Variants in DPP10 observed in about 807,000 individuals in gnomAD.
DPP10 encodes dipeptidyl peptidase like 10.
In DPP10, 33 loss-of-function variants were observed where a neutral mutation model predicts 120.9. The observed-to-expected ratio is 0.27, with a 90% CI of 0.21 to 0.37. The LOEUF (loss-of-function observed/expected upper bound fraction) is 0.37. DPP10 is among the 10% of genes least tolerant of loss of function. The pLI is 1.00. For missense variants in DPP10, 816 were observed against 942.8 expected, an observed-to-expected ratio of 0.87 and a Z score of 1.76; for synonymous variants, 337 against 326.1, an observed-to-expected ratio of 1.03 and a Z score of -0.36.
Position 115,535,111 on chromosome 2 carries a change from C to G in DPP10, c.441+9139C>G, listed in dbSNP as rs371739231. Among the ~76,000 whole-genome samples, 1,422 of 151,750 alleles carry G rather than the reference C, an allele frequency of 9.4e-3. 8 individuals carry two copies. Among genetic ancestry groups the G allele is most frequent in the Non-Finnish European group, 0.013 (904 of 67,860 alleles). ...TCTTTTGCTGTGCAGAAGCTCTTTA[C>G]TTTAATTAGATCCCATTTGTCAATT... On this transcript the variant is annotated intron_variant, in intron 5 of 25. Coordinates refer to ENST00000410059, the MANE Select transcript of DPP10 (RefSeq NM_020868.6).
intron 1 of DPP10, among the ~76,000 whole-genome samples, chr2:115,169,180 C>G (rs537837883): frequency 1.3e-5 from 2 of 152,232 alleles, no homozygotes; most frequent in African/African-American, 4.8e-5. Context: ...AATTTATAAT[C>G]CCACTAAAAT....
At chr2:115,094,477 A>G (rs1709550966) in intron 1 of DPP10, among the ~76,000 whole-genome samples, 1 of 152,178 alleles carries the variant, frequency 6.6e-6, no homozygotes, top group Non-Finnish European at 1.5e-5. Flanking sequence ...CTTACATCAC[A>G]TGGTAAACTA....
intron 1 of DPP10, among the ~76,000 whole-genome samples, chr2:114,485,469 T>TC (rs369345410): frequency 1.6e-3 from 239 of 151,954 alleles, no homozygotes; most frequent in African/African-American, 5.3e-3. Context: ...ACTGTTTTTT[T>TC]TTTTTTTGCG....
chr2:114,852,942 T>A (rs569638642), intron 1 of DPP10, among the ~76,000 whole-genome samples: 1 of 152,338 alleles, frequency 6.6e-6, no homozygotes, highest in South Asian at 2.1e-4. Flanking sequence ...AGAAAGTTAA[T>A]ATTTTGTGAT....
intron 1 of DPP10, among the ~76,000 whole-genome samples, chr2:115,092,661 T>C (rs1709365529): frequency 6.6e-6 from 1 of 152,186 alleles, no homozygotes; most frequent in African/African-American, 2.4e-5. Context: ...AGTCAAATTC[T>C]AGGATTTACT....
intron 1 of DPP10, among the ~76,000 whole-genome samples, chr2:114,469,228 T>C (rs1176230925): frequency 6.6e-6 from 1 of 152,218 alleles, no homozygotes; most frequent in African/African-American, 2.4e-5. Context: ...TCATACTTCA[T>C]GGCAAATGTA....
intron 1 of DPP10, among the ~76,000 whole-genome samples, chr2:115,039,481 A>T (rs956554459): frequency 6.6e-6 from 1 of 152,116 alleles, no homozygotes; most frequent in Non-Finnish European, 1.5e-5. Context: ...AGGCATTCTG[A>T]CCCCAAGGAA....
chr2:115,291,854 C>A (rs1450396559), intron 1 of DPP10, among the ~76,000 whole-genome samples: 1 of 152,092 alleles, frequency 6.6e-6, no homozygotes, highest in Non-Finnish European at 1.5e-5. Context: ...AGCACTGTGC[C>A]ACCACGTGCT....
At chr2:115,830,266 G>A (rs1688784056) in intron 21 of DPP10, among the ~76,000 whole-genome samples, 1 of 150,976 alleles carries the variant, frequency 6.6e-6, no homozygotes, top group South Asian at 2.1e-4. Context: ...GCTGAAGCAG[G>A]AGAATCGCTT....
chr2:114,874,145 A>C (rs994954603), intron 1 of DPP10, among the ~76,000 whole-genome samples: 1 of 152,164 alleles, frequency 6.6e-6, no homozygotes, highest in Non-Finnish European at 1.5e-5. Flanking sequence ...CAGCTTGTGC[A>C]TGATCACCTA....
chr2:115,631,433 A>G (rs2085862454), intron 5 of DPP10, among the ~76,000 whole-genome samples: 1 of 151,484 alleles, frequency 6.6e-6, no homozygotes, highest in Non-Finnish European at 1.5e-5. Context: ...GATCTTGGTT[A>G]TTTCTTGTCT....
Position 115,400,936 on chromosome 2 carries a change from T to C in DPP10, c.271+57024T>C, listed in dbSNP as rs533474781. ...GTTTGGAGTAGCAAGTGAAAACCTA[T>C]GGCTTTGCCAGCTAAAAGTGAGTAC... On this transcript the variant is annotated intron_variant, in intron 3 of 25. Coordinates refer to ENST00000410059, the MANE Select transcript of DPP10 (RefSeq NM_020868.6). 2.0e-5 allele frequency among the ~76,000 whole-genome samples: 3 copies of C among 152,312 alleles called. No homozygotes were observed. The South Asian group carries it at 6.2e-4, about 32-fold the overall frequency.
chr2:114,978,382 A>T (rs2104837150), intron 1 of DPP10, among the ~76,000 whole-genome samples: 1 of 152,292 alleles, frequency 6.6e-6, no homozygotes, highest in Non-Finnish European at 1.5e-5. Context: ...TATCCAGGGT[A>T]CCACACTTTG....
In DPP10 at chr2:115,555,194, T is replaced by C. The variant is rs370229829; in HGVS notation, c.441+29222T>C. 5.9e-5 allele frequency among the ~76,000 whole-genome samples: 9 copies of C among 152,238 alleles called. No individual in the cohort carries two copies. The East Asian group carries it at 1.4e-3, about 23-fold the overall frequency. ...GAGCAAAAATTCATCTTCTAGAATA[T>C]ATTATTTCCTATTTTATATGCTCTT... On this transcript the variant is annotated intron_variant, in intron 5 of 25. Transcript: ENST00000410059.
intron 3 of DPP10, among the ~76,000 whole-genome samples, chr2:115,485,451 A>T (rs529763592): frequency 1.3e-5 from 2 of 152,000 alleles, no homozygotes; most frequent in Admixed American, 6.6e-5. Flanking sequence ...CGTGCCCTTC[A>T]TTCTTGGGTC....
rs535604430 is a variant in DPP10 at position 115,443,003 on chromosome 2, A to G, written c.272-56507A>G. 2.3e-3 allele frequency among the ~76,000 whole-genome samples: 348 copies of G among 152,296 alleles called. 8 individuals are homozygous for G. The highest frequency in any genetic ancestry group is 4.6e-4 in the Non-Finnish European group (31 of 68,026). ...TTGAGGCTATTGGTCTATATTGCAA[A>G]ACATTTTGCACATTTGTACTTTTTA... On this transcript the variant is annotated intron_variant, in intron 3 of 25. Transcript: ENST00000410059.
At chr2:114,661,262 C>G (rs1697381652) in intron 1 of DPP10, among the ~76,000 whole-genome samples, 1 of 152,162 alleles carries the variant, frequency 6.6e-6, no homozygotes, top group African/African-American at 2.4e-5. Flanking sequence ...TCTTTGATGT[C>G]CAGCCATGCT....
At chr2:115,617,324 A>G (rs2084595632) in intron 5 of DPP10, among the ~76,000 whole-genome samples, 1 of 146,578 alleles carries the variant, frequency 6.8e-6, no homozygotes, top group South Asian at 2.1e-4. Context: ...CTATGAATAC[A>G]TGTATACATA....
chr2:114,735,223 A>G (rs1212678333), intron 1 of DPP10, among the ~76,000 whole-genome samples: 1 of 152,180 alleles, frequency 6.6e-6, no homozygotes, highest in Non-Finnish European at 1.5e-5. Context: ...ATCCAAAAGC[A>G]ATAGCAACAG....
Sources: gnomAD v4.1 joint callset for allele counts (sites outside exome capture counted in the v4.1 genomes callset) on GRCh38, gnomAD v4.1.1 for gene constraint, MANE v1.5 for transcripts, NCBI Gene and HGNC (gene_info 2026-07-23, HGNC 2026-07-21) for gene names.